XRCC1: variants seen among roughly 807,000 people sequenced by gnomAD.
The protein encoded by XRCC1 is DNA repair protein XRCC1.
XRCC1 carries 52 observed loss-of-function variants against 83.3 expected under a neutral mutation model. The ratio of observed to expected loss-of-function variants is 0.62; its 90% CI spans 0.50 to 0.79. The LOEUF is 0.79. Among genes scored for constraint, XRCC1 ranks in the 30% least tolerant of loss-of-function variants. XRCC1 has a pLI of 0.00. For missense variants in XRCC1, 793 were observed against 823.5 expected (o/e 0.96, Z 0.45); for synonymous variants, 281 against 312.6 (o/e 0.90, Z 1.07).
rs2307171 is a variant in XRCC1, at chr19:43,575,431, C to A, written c.28G>T (p.Val10Leu). The A allele has an allele frequency of 6.2e-7, 1 of 1,611,672 alleles. No individual in the cohort carries two copies. The highest frequency in any genetic ancestry group is 8.5e-7 in the Non-Finnish European group (1 of 1,178,262). Residue 10 changes from valine to leucine, a missense_variant, in exon 1 of 17, where the codon GTG (valine) becomes TTG (leucine). Transcript: ENST00000262887. ...ACCGAGTCCTGGCTGCTGCAGGACA[C>A]GACATGGCGGAGGCGGATCTCCGGC... MPEIRLRHV[V>L]SCSSQDSTHC...
intron 2 of XRCC1, among the ~76,000 whole-genome samples, chr19:43,564,591 C>A (rs1305759914): frequency 6.6e-6 from 1 of 152,084 alleles, no homozygotes; most frequent in Admixed American, 6.6e-5. Context: ...GAGTTCGAGA[C>A]CAGCCTGACC....
At chr19:43,556,062 A>AT (rs1972632827) in intron 3 of XRCC1, among the ~76,000 whole-genome samples, 1 of 151,900 alleles carries the variant, frequency 6.6e-6, no homozygotes, top group African/African-American at 2.4e-5. Flanking sequence ...CTAATTTTTT[A>AT]TTTTTTGTAG....
In XRCC1 at chr19:43,553,421, C is replaced by T. The variant is rs774388757; in HGVS notation, c.581G>A (p.Arg194Gln). The change falls in exon 6 of 17, where the codon CGG becomes CAG. Residue 194 changes from arginine (R) to glutamine (Q), a missense_variant. By Grantham distance (43) the Arg-to-Gln change is conservative. Coordinates refer to ENST00000262887, the MANE Select transcript of XRCC1 (RefSeq NM_006297.3). ...SLRPGALFFS[R>Q]INKTSPVTAS... The stretch of plus-strand genomic sequence containing the variant: ...CTCACCTGGGGATGTCTTGTTGATC[C>T]GGCTGAAGAAGAGAGCCCCCGGCCT... The T allele has an allele frequency of 1.4e-5, 23 of 1,614,000 alleles. No homozygotes were observed. The highest frequency in any genetic ancestry group is 8.3e-5 in the Admixed American group (5 of 59,990).
chr19:43,569,300 C>G (rs1248842133), intron 2 of XRCC1, among the ~76,000 whole-genome samples: 1 of 151,724 alleles, frequency 6.6e-6, no homozygotes, highest in Non-Finnish European at 1.5e-5. Context: ...CAGTGAGACC[C>G]CCATCTCTGC....
chr19:43,544,028 G>A, intron 15 of XRCC1, 116 bp downstream of exon 15: 2 of 1,026,716 alleles, frequency 1.9e-6, no homozygotes, highest in Non-Finnish European at 2.9e-6. Flanking sequence ...GCTGGGCATG[G>A]CCCTTCTCCA....
At chr19:43,572,546 G>A (rs539846017) in intron 2 of XRCC1, among the ~76,000 whole-genome samples, 1 of 152,326 alleles carries the variant, frequency 6.6e-6, no homozygotes, top group South Asian at 2.1e-4. Flanking sequence ...GCTCATGCCT[G>A]TAATCCCAAC....
rs555007680 is a variant in XRCC1, at chr19:43,547,838, A to G, written c.1200-861T>C. ...TGGGGAAGAAATGTCTCAATTCAGA[A>G]AGGAATGAAAAATCAGAACTTTCTC... On this transcript the variant is annotated intron_variant, in intron 10 of 16. Transcript: ENST00000262887. Among the ~76,000 whole-genome samples the G allele has an allele frequency of 6.6e-5, 10 of 152,302 alleles. No homozygotes were observed. The South Asian group carries it at 2.1e-3, about 32-fold the overall frequency.
rs45592142 is a variant in XRCC1, at chr19:43,543,341, CGTGT to C, written c.*47_*50del. ...ACCAACTCATCTTTATTAAATGCAT[CGTGT>C]GTGTGTGTGTGTGTGTGTGTGTGTG... On this transcript the variant is annotated 3_prime_UTR_variant, in exon 17 of 17. Coordinates refer to ENST00000262887, the MANE Select transcript of XRCC1 (RefSeq NM_006297.3). 179,571 of 1,031,596 alleles carry C rather than the reference CGTGT, an allele frequency of 0.17. 5,014 individuals are homozygous for C. The highest frequency in any genetic ancestry group is 0.19 in the South Asian group (13,988 of 73,424). The allele number at this position is 1,031,596 out of a possible 1,614,324, so 63.9% of individuals were successfully genotyped here. A position where few individuals can be genotyped will look rare whatever the true frequency, so the allele number is the denominator to read the frequency against.
rs1468796943 is a variant in XRCC1, at chr19:43,575,014, A to G, written c.52-12T>C. ...TCTGCACAGTGAGTCTGGAAACAACAGTGGGAGAGGAGAATTAGGGCACAG... is the reference window on the plus strand; with the variant it reads ...TCTGCACAGTGAGTCTGGAAACAACGGTGGGAGAGGAGAATTAGGGCACAG... On this transcript the variant is annotated splice_polypyrimidine_tract_variant and intron_variant, in intron 1 of 16. Transcript: ENST00000262887. 1 of 1,607,582 alleles carries G rather than the reference A, an allele frequency of 6.2e-7. No homozygotes were observed. Among genetic ancestry groups the G allele is most frequent in the Non-Finnish European group, 8.5e-7 (1 of 1,174,136 alleles).
chr19:43,575,105 C>T (rs1972843095), intron 1 of XRCC1, 103 bp from the exon 2 acceptor site: 1 of 969,664 alleles, frequency 1.0e-6, no homozygotes, highest in African/African-American at 1.6e-5. Flanking sequence ...TCTACGACCC[C>T]CAGATTTAAG....
intron 3 of XRCC1, among the ~76,000 whole-genome samples, chr19:43,558,306 G>C (rs1357353484): frequency 1.4e-5 from 2 of 145,102 alleles, no homozygotes; most frequent in Non-Finnish European, 3.0e-5. Flanking sequence ...CTGCACTCCA[G>C]CCTGGGTGAC....
chr19:43,562,304 A>G (rs748173230), intron 2 of XRCC1, among the ~76,000 whole-genome samples: 7 of 152,108 alleles, frequency 4.6e-5, no homozygotes, highest in Non-Finnish European at 7.4e-5. Flanking sequence ...CACTGTATGG[A>G]AGGAGGGAGC....
intron 3 of XRCC1, among the ~76,000 whole-genome samples, chr19:43,559,456 G>A (rs2146059756): frequency 7.2e-6 from 1 of 138,752 alleles, no homozygotes; most frequent in South Asian, 2.3e-4. Context: ...CTCCAGCCTG[G>A]GCAACAGAGT....
rs760699746 is a variant in XRCC1, at chr19:43,545,835, G to A, written c.1604C>T (p.Pro535Leu). 6.2e-7 allele frequency: 1 copy of A among 1,613,894 alleles called. No homozygotes were observed. Among genetic ancestry groups the A allele is most frequent in the South Asian group, 1.1e-5 (1 of 91,090 alleles). The change falls in exon 14 of 17, where the codon CCA becomes CTA. Residue 535 changes from proline to leucine, a missense_variant. Transcript: ENST00000262887. The part of the protein sequence containing the change: ...SEEHQEPPDL[P>L]VPELPDFFQG... ...TTTCCCACCTGGGAGCTCAGGGACT[G>A]GCAGATCAGGAGGCTCCTGGTGTTC...
rs372223449 is a variant in XRCC1 at position 43,552,953 on chromosome 19, T to G, written c.711+29A>C. The G allele has an allele frequency of 9.3e-6, 15 of 1,609,116 alleles. No individual in the cohort carries two copies. The African/African-American group carries it at 2.0e-4, about 21-fold the overall frequency. On this transcript the variant is annotated intron_variant, in intron 7 of 16. Coordinates refer to ENST00000262887, the MANE Select transcript of XRCC1 (RefSeq NM_006297.3). ...TTGAGGCCTCCAGCTTCTCTCCTCC[T>G]CCACCCCACCAAAGTCTGATGATTT...
Position 43,560,939 on chromosome 19 carries a change from C to A in XRCC1, c.226G>T (p.Ala76Ser). ...TAGTCTTGCTCCCCAGCGCCTCCAG[C>A]TGAACTGCCCACCAGCACCTCCACG... is the stretch of plus-strand genomic sequence containing the variant. ...AFVEVLVGSS[A>S]GGAGEQDYEV... The change falls in exon 3 of 17, where the codon GCT becomes TCT. Residue 76 changes from alanine (A) to serine (S), a missense_variant. Transcript: ENST00000262887. 6.2e-7 allele frequency: 1 copy of A among 1,614,224 alleles called. No homozygotes were observed. Among genetic ancestry groups the A allele is most frequent in the Non-Finnish European group, 8.5e-7 (1 of 1,180,034 alleles).
Position 43,543,341 on chromosome 19 carries a change from C to CGTGTGTGTGTGTGTGTGTGTGT in XRCC1, c.*29_*50dup, listed in dbSNP as rs45592142. On this transcript the variant is annotated 3_prime_UTR_variant, in exon 17 of 17. Transcript: ENST00000262887. Reference sequence around the variant, plus strand: ...ACCAACTCATCTTTATTAAATGCATCGTGTGTGTGTGTGTGTGTGTGTGTG... The same window carrying CGTGTGTGTGTGTGTGTGTGTGT: ...ACCAACTCATCTTTATTAAATGCATCGTGTGTGTGTGTGTGTGTGTGTGTGTGTGTGTGTGTGTGTGTGTGTG... The CGTGTGTGTGTGTGTGTGTGTGT allele has an allele frequency of 8.5e-5, 89 of 1,044,562 alleles. 2 individuals are homozygous for CGTGTGTGTGTGTGTGTGTGTGT. The African/African-American group carries it at 1.5e-3, about 17-fold the overall frequency. 64.7% of individuals were successfully genotyped at this position (1,044,562 alleles called of 1,614,324 possible).
chr19:43,552,358 G>A, intron 8 of XRCC1, 83 bp from the exon 9 acceptor site: 1 of 1,053,890 alleles, frequency 9.5e-7, no homozygotes, highest in Non-Finnish European at 1.4e-6. Flanking sequence ...AGCAGTCCAG[G>A]CCCCAGACCC....
At chr19:43,544,840 GTC>G (rs1972492504) in intron 14 of XRCC1, among the ~76,000 whole-genome samples, 1 of 148,694 alleles carries the variant, frequency 6.7e-6, no homozygotes, top group Non-Finnish European at 1.5e-5. Context: ...AAAGGCGGGG[GTC>G]GGGGGGGGTC....
Sources: gnomAD v4.1 joint callset for allele counts (sites outside exome capture counted in the v4.1 genomes callset) on GRCh38, gnomAD v4.1.1 for gene constraint, MANE v1.5 for transcripts, NCBI Gene and HGNC (gene_info 2026-07-23, HGNC 2026-07-21) for gene names.